Variants in NXPE2 observed in about 807,000 individuals in gnomAD.
The protein encoded by NXPE2 is neurexophilin and PC-esterase domain family member 2, also known as NXPE family member 2.
Under a neutral mutation model 34.4 loss-of-function variants are expected in NXPE2, and 34 were observed. The ratio of observed to expected loss-of-function variants is 0.99; its 90% CI spans 0.75 to 1.31. The LOEUF (loss-of-function observed/expected upper bound fraction) is 1.31, where lower values mean the gene tolerates loss of function less well. Ranked by LOEUF, NXPE2 falls within the 40% of genes most tolerant of loss-of-function variation. The pLI is 0.00. For missense variants in NXPE2, 649 were observed against 672.5 expected (o/e 0.97, Z 0.39); for synonymous variants, 235 against 231.3 (o/e 1.02, Z -0.15).
At chr11:114,495,669 A>C in the NXPE2 span, among the ~76,000 whole-genome samples, 1 of 152,108 alleles carries the variant, frequency 6.6e-6, no homozygotes, top group Non-Finnish European at 1.5e-5. Flanking sequence ...GCCTGAAGTG[A>C]GTACTGCCTG....
the NXPE2 span, chr11:114,528,776 A>G: frequency 3.0e-6 from 2 of 659,012 alleles, no homozygotes; most frequent in African/African-American, 1.8e-5. Context: ...GGTGCCAAGT[A>G]TAACAGATAT....
intron 2 of NXPE2, among the ~76,000 whole-genome samples, chr11:114,684,412 G>A (rs1417229824): frequency 1.3e-5 from 2 of 151,922 alleles, no homozygotes; most frequent in African/African-American, 4.8e-5. Context: ...GGGCAACAGA[G>A]TGAGACTCCA....
At chr11:114,633,803 T>C in the NXPE2 span, among the ~76,000 whole-genome samples, 2 of 152,054 alleles carry the variant, frequency 1.3e-5, no homozygotes, top group Admixed American at 6.6e-5. Flanking sequence ...CTCACCATTT[T>C]TTATGGCTGC....
the NXPE2 span, among the ~76,000 whole-genome samples, chr11:114,727,603 T>C: frequency 2.6e-5 from 4 of 152,020 alleles, no homozygotes; most frequent in Admixed American, 2.6e-4. Flanking sequence ...ATACACAACT[T>C]ATATTAAAAA....
At chr11:114,722,727 T>A in the NXPE2 span, among the ~76,000 whole-genome samples, 1 of 152,214 alleles carries the variant, frequency 6.6e-6, no homozygotes. Context: ...TCCTGTACAC[T>A]GTTTTTGGCT....
At chr11:114,629,841 AT>A in the NXPE2 span, among the ~76,000 whole-genome samples, 2 of 150,602 alleles carry the variant, frequency 1.3e-5, no homozygotes, top group African/African-American at 4.9e-5. Flanking sequence ...TACAAAATCA[AT>A]GTACAAAAAT....
the NXPE2 span, among the ~76,000 whole-genome samples, chr11:114,620,214 A>G: frequency 2.7e-5 from 4 of 149,518 alleles, no homozygotes; most frequent in African/African-American, 9.9e-5. Flanking sequence ...CTTTTGCCTG[A>G]TGGGTAACCA....
chr11:114,725,976 A>ATATATATATATATATATATATGTATAT, the NXPE2 span, among the ~76,000 whole-genome samples: 1 of 101,768 alleles, frequency 9.8e-6, no homozygotes, highest in East Asian at 3.6e-4. Context: ...ATAAAAAAAA[A>ATATATATATATATATATATATGTATAT]ATATATATAT....
chr11:114,596,039 A>G, the NXPE2 span, among the ~76,000 whole-genome samples: 1 of 152,220 alleles, frequency 6.6e-6, no homozygotes, highest in East Asian at 1.9e-4. Context: ...GATGAGAAAA[A>G]GAGCCACAAG....
the NXPE2 span, among the ~76,000 whole-genome samples, chr11:114,600,513 A>C: frequency 6.6e-6 from 1 of 152,112 alleles, no homozygotes; most frequent in African/African-American, 2.4e-5. Context: ...CTTCAATGTA[A>C]TTATGAGAAA....
the NXPE2 span, among the ~76,000 whole-genome samples, chr11:114,603,902 T>C: frequency 6.6e-6 from 1 of 150,774 alleles, no homozygotes; most frequent in Non-Finnish European, 1.5e-5. Context: ...TATTGCCTCG[T>C]CTCCAAGGGT....
the NXPE2 span, among the ~76,000 whole-genome samples, chr11:114,775,890 A>C: frequency 6.1e-5 from 9 of 148,056 alleles, no homozygotes; most frequent in African/African-American, 1.5e-4. Context: ...GAAAAAAAAA[A>C]ACAAAAAAAC....
At chr11:114,484,869 A>C in the NXPE2 span, among the ~76,000 whole-genome samples, 1 of 152,220 alleles carries the variant, frequency 6.6e-6, no homozygotes, top group Non-Finnish European at 1.5e-5. Context: ...TCATAATTCC[A>C]TCTCCAAGAC....
chr11:114,630,593 C>T, the NXPE2 span, among the ~76,000 whole-genome samples: 1 of 151,468 alleles, frequency 6.6e-6, no homozygotes, highest in South Asian at 2.1e-4. Context: ...TAGGCATTAC[C>T]ATTCAGGACA....
At chr11:114,807,586 A>T in the NXPE2 span, among the ~76,000 whole-genome samples, 1 of 151,578 alleles carries the variant, frequency 6.6e-6, no homozygotes, top group African/African-American at 2.4e-5. Flanking sequence ...AGATCAAAAG[A>T]GACAAAGAAG....
rs1383858259 is a variant in NXPE2, at chr11:114,705,922, A to C, written c.1070A>C (p.Glu357Ala). Residue 357 changes from glutamate (E) to alanine (A), a missense_variant, in exon 5 of 6, where the codon GAA (glutamate) becomes GCA (alanine). By Grantham distance (107) the Glu-to-Ala change is moderately radical. Transcript: ENST00000389586. ...NETKNINDCLERKLIYLMGDS... is the reference protein window; with the variant it reads ...NETKNINDCLARKLIYLMGDS... ...ACAAAAAATATAAATGACTGCTTGG[A>C]AAGAAAACTTATTTATCTCATGGGA... The C allele has an allele frequency of 3.2e-6, 5 of 1,541,898 alleles. No individual in the cohort carries two copies. In the East Asian group the frequency reaches 7.4e-5, roughly 23 times the overall value.
At chr11:114,488,358 C>T in the NXPE2 span, among the ~76,000 whole-genome samples, 3 of 152,010 alleles carry the variant, frequency 2.0e-5, no homozygotes, top group Non-Finnish European at 4.4e-5. Context: ...TCTCCTTTTT[C>T]CTCTTTATTT....
the NXPE2 span, among the ~76,000 whole-genome samples, chr11:114,798,310 C>G: frequency 6.6e-6 from 1 of 152,136 alleles, no homozygotes; most frequent in Non-Finnish European, 1.5e-5. Flanking sequence ...ATTGGACAAA[C>G]TTTTAATGAC....
chr11:114,791,352 C>G, the NXPE2 span, among the ~76,000 whole-genome samples: 2 of 152,136 alleles, frequency 1.3e-5, no homozygotes, highest in African/African-American at 4.8e-5. Flanking sequence ...TAAGACCCCT[C>G]TGGGGAAGCT....
Sources: allele counts gnomAD v4.1 joint callset (sites outside exome capture counted in the v4.1 genomes callset), GRCh38; gene constraint gnomAD v4.1.1; transcripts MANE v1.5; gene names NCBI Gene and HGNC (gene_info 2026-07-23, HGNC 2026-07-21).